The following LRRC45 variants were observed in gnomAD, a reference collection of about 807,000 sequenced individuals.
LRRC45 encodes the protein leucine rich repeat containing 45, also known as leucine-rich repeat-containing protein 45.
LRRC45 carries 73 observed loss-of-function variants against 85.4 expected under a neutral mutation model. That is an observed-to-expected ratio of 0.85 (90% CI 0.71 to 1.04). The LOEUF (loss-of-function observed/expected upper bound fraction) is 1.04, where lower values mean the gene tolerates loss of function less well. Among genes scored for constraint, LRRC45 ranks in the 50% least tolerant of loss-of-function variants. The pLI is 0.00. For synonymous variants in LRRC45, 429 were observed against 386.0 expected, an observed-to-expected ratio of 1.11 and a Z score of -1.31; for missense variants, 937 against 883.3, an observed-to-expected ratio of 1.06 and a Z score of -0.77.
chr17:82,024,421 C>T, intron 2 of LRRC45, 82 bp downstream of exon 2: 2 of 1,540,540 alleles, frequency 1.3e-6, no homozygotes, highest in Non-Finnish European at 1.8e-6. Flanking sequence ...TCTCGGGGGC[C>T]TGGGGTCTGG....
chr17:82,026,648 C>T (rs1417735467), intron 5 of LRRC45, among the ~76,000 whole-genome samples: 4 of 151,762 alleles, frequency 2.6e-5, no homozygotes, highest in Admixed American at 2.6e-4. Context: ...GGCGCAATCT[C>T]GGCTCACTGC....
Position 82,030,618 on chromosome 17 carries a change from G to T in LRRC45, c.1826G>T (p.Ser609Ile). 1.5e-6 allele frequency: 2 copies of T among 1,343,326 alleles called. No individual in the cohort carries two copies. Among genetic ancestry groups the T allele is most frequent in the South Asian group, 1.6e-5 (1 of 61,402 alleles). The allele number at this position is 1,343,326 out of a possible 1,614,324, so 83.2% of individuals were successfully genotyped here. ...ALERQLKVMA[S>I]DHREALLDRE... ...GCTCCTTGCCCTGCAGTGATGGCGAGCGACCACCGAGAGGCGCTGCTGGAC... is the reference window on the plus strand; with the variant it reads ...GCTCCTTGCCCTGCAGTGATGGCGATCGACCACCGAGAGGCGCTGCTGGAC... The change falls in exon 17 of 17, where the codon AGC becomes ATC. Residue 609 changes from serine to isoleucine, a missense_variant. Physicochemically the swap from Ser to Ile is moderately radical, Grantham distance 142. Coordinates refer to ENST00000306688, the MANE Select transcript of LRRC45 (RefSeq NM_144999.4).
At position 82,028,048 on chromosome 17, in the gene LRRC45, C is replaced by A; in HGVS notation, c.949C>A (p.Gln317Lys). Residue 317 changes from glutamine to lysine, a missense_variant, in exon 9 of 17, where the codon CAG becomes AAG. By Grantham distance (53) the Gln-to-Lys change is moderately conservative. Transcript: ENST00000306688. The stretch of plus-strand genomic sequence containing the variant: ...AGAGGCCGCCCTGGCTCTGTCGGAG[C>A]AGAAGGCCCAGGACCTGGGGGAGCT... ...MTEAALALSE[Q>K]KAQDLGELLA... 6.2e-7 allele frequency: 1 copy of A among 1,605,880 alleles called. No individual in the cohort carries two copies. Among genetic ancestry groups the A allele is most frequent in the Non-Finnish European group, 8.5e-7 (1 of 1,177,706 alleles).
At chr17:82,027,042 C>A in intron 6 of LRRC45, 31 bp downstream of exon 6, 1 of 1,527,534 alleles carries the variant, frequency 6.5e-7, no homozygotes. Flanking sequence ...GACCTTGGAG[C>A]TGCTTATGGC....
Position 82,028,388 on chromosome 17 carries a change from G to A in LRRC45, c.1126-9G>A, listed in dbSNP as rs370424586. The A allele has an allele frequency of 6.5e-5, 104 of 1,612,168 alleles. No individual in the cohort carries two copies. Among genetic ancestry groups the A allele is most frequent in the Non-Finnish European group, 8.1e-5 (95 of 1,179,810 alleles). ...GGCTGCAGCTTCCCTCCCTGGTGCCGGCTTTCAGGTAGACGAGTTGGAGCG... is the reference window on the plus strand; with the variant it reads ...GGCTGCAGCTTCCCTCCCTGGTGCCAGCTTTCAGGTAGACGAGTTGGAGCG... On this transcript the variant is annotated splice_polypyrimidine_tract_variant and intron_variant, in intron 10 of 16. Transcript: ENST00000306688.
Position 82,023,494 on chromosome 17 carries a change from C to T in LRRC45, c.-150C>T. 2 of 692,738 alleles carry T rather than the reference C, an allele frequency of 2.9e-6. No homozygotes were observed. The highest frequency in any genetic ancestry group is 4.6e-6 in the Non-Finnish European group (2 of 432,582). The allele number at this position is 692,738 out of a possible 1,614,324, so 42.9% of individuals were successfully genotyped here. On this transcript the variant is annotated 5_prime_UTR_variant, in exon 1 of 17. Transcript: ENST00000306688. ...GCCCAGCCCCGCGCTCCCAGGACCT[C>T]CCGCCCGCGGAGCCCACTCGGATTG...
Position 82,025,091 on chromosome 17 carries a change from C to T in LRRC45, c.445C>T (p.Leu149=). The T allele has an allele frequency of 6.2e-7, 1 of 1,610,768 alleles. No homozygotes were observed. Among genetic ancestry groups the T allele is most frequent in the Non-Finnish European group, 8.5e-7 (1 of 1,179,064 alleles). ...GGCGGCCAACGGCGCCCTGCAGCGG[C>T]TGGACCTCCGCAACAACCAGATCAG... ...GLAANGALQR[L]DLRNNQISHK... The change falls in exon 4 of 17, where the codon CTG becomes TTG. Residue 149 remains leucine (L), a synonymous_variant. Coordinates refer to ENST00000306688, the MANE Select transcript of LRRC45 (RefSeq NM_144999.4).
rs757037075 is a variant in LRRC45, at chr17:82,027,758, G to T, written c.911+7G>T. The T allele has an allele frequency of 3.1e-6, 5 of 1,608,816 alleles. No individual in the cohort carries two copies. The highest frequency in any genetic ancestry group is 1.1e-5 in the South Asian group (1 of 90,462). On this transcript the variant is annotated splice_region_variant and intron_variant, in intron 8 of 16. Transcript: ENST00000306688. ...TCAACGCTCTCAAGGCCAAGTAAGT[G>T]GGGGGTGGCCTCAGGATACTTCAGA...
intron 14 of LRRC45, 97 bp downstream of exon 14, chr17:82,029,732 G>A (rs1243231327): frequency 5.6e-6 from 7 of 1,239,990 alleles, no homozygotes; most frequent in African/African-American, 3.0e-5. Context: ...GTGGGGAGGC[G>A]GGAGTGTGGT....
intron 5 of LRRC45, chr17:82,026,668 C>G (rs573771801): frequency 1.0e-4 from 40 of 390,140 alleles, no homozygotes; most frequent in African/African-American, 5.8e-4. Context: ...CAACCTCCAC[C>G]TCCCGGTTCA....
chr17:82,029,425 G>C, intron 13 of LRRC45, 118 bp from the exon 14 acceptor site: 1 of 1,178,796 alleles, frequency 8.5e-7, no homozygotes. Flanking sequence ...CAGCTGCGTG[G>C]CCCTCAGGAG....
At chr17:82,029,206 G>A in intron 13 of LRRC45, 21 bp downstream of exon 13, 4 of 1,602,038 alleles carry the variant, frequency 2.5e-6, no homozygotes, top group Admixed American at 1.7e-5. Flanking sequence ...ACCAGGCAGG[G>A]CCAAGCTCTG....
In LRRC45 at chr17:82,029,569, A is replaced by T; in HGVS notation, c.1428A>T (p.Ala476=). Residue 476 remains alanine (A), a synonymous_variant, in exon 14 of 17, where the codon GCA becomes GCT. Coordinates refer to ENST00000306688, the MANE Select transcript of LRRC45 (RefSeq NM_144999.4). The part of the protein sequence containing the change: ...EEELSRVKAA[A]LSERGQAEEE... ...AGCTGAGCCGAGTGAAAGCAGCGGCACTCAGCGAGCGTGGCCAGGCTGAGG... is the reference window on the plus strand; with the variant it reads ...AGCTGAGCCGAGTGAAAGCAGCGGCTCTCAGCGAGCGTGGCCAGGCTGAGG... 1 of 1,577,676 alleles carries T rather than the reference A, an allele frequency of 6.3e-7. No individual in the cohort carries two copies. The highest frequency in any genetic ancestry group is 8.6e-7 in the Non-Finnish European group (1 of 1,163,280).
At position 82,023,858 on chromosome 17, in the gene LRRC45, A is replaced by C; in HGVS notation, c.215A>C (p.Glu72Ala). 1 of 1,557,964 alleles carries C rather than the reference A, an allele frequency of 6.4e-7. No homozygotes were observed. The highest frequency in any genetic ancestry group is 8.7e-7 in the Non-Finnish European group (1 of 1,153,230). The change falls in exon 1 of 17, where the codon GAG (glutamate) becomes GCG (alanine). Residue 72 changes from glutamate (E) to alanine (A), a missense_variant. Glu to Ala is a moderately radical substitution (Grantham distance 107, BLOSUM62 -1). Coordinates refer to ENST00000306688, the MANE Select transcript of LRRC45 (RefSeq NM_144999.4). ...GTCCTGAGTGACTGCATGCTCAGCG[A>C]GGAAGGTGGGCAGGCGCGGCGGGGT... ...ELVLSDCMLSEEGATLLLRGL... is the reference protein window; with the variant it reads ...ELVLSDCMLSAEGATLLLRGL...
chr17:82,028,817 G>A lies in LRRC45; in HGVS notation c.1308+134G>A, dbSNP rs761552367. 1.1e-3 allele frequency: 1,158 copies of A among 1,057,294 alleles called. 18 individuals are homozygous for A. Among genetic ancestry groups the A allele is most frequent in the South Asian group, 2.0e-3 (126 of 63,204 alleles). 65.5% of individuals were successfully genotyped at this position (1,057,294 alleles called of 1,614,324 possible). On this transcript the variant is annotated intron_variant, in intron 12 of 16. Coordinates refer to ENST00000306688, the MANE Select transcript of LRRC45 (RefSeq NM_144999.4). ...CTGGGTGGCCGTATTTTGCCAGCCTGAGCGGATGTCAGACCCAGAACCTCC... is the reference window on the plus strand; with the variant it reads ...CTGGGTGGCCGTATTTTGCCAGCCTAAGCGGATGTCAGACCCAGAACCTCC...
At chr17:82,024,223 G>T (rs536894217) in intron 1 of LRRC45, 55 bp from the exon 2 acceptor site, 18 of 1,585,786 alleles carry the variant, frequency 1.1e-5, no homozygotes, top group Non-Finnish European at 1.5e-5. Flanking sequence ...GGGCCCACGG[G>T]GAGGGCCTTG....
chr17:82,028,605 G>A lies in LRRC45; in HGVS notation c.1238-8G>A. On this transcript the variant is annotated splice_polypyrimidine_tract_variant and splice_region_variant and intron_variant, in intron 11 of 16. Transcript: ENST00000306688. ...CTCACGCATACTCTGCCCACCCTGG[G>A]CTTCCAGAGCGCCTGGACATGGAGA... 2.5e-6 allele frequency: 4 copies of A among 1,612,810 alleles called. No individual in the cohort carries two copies. The highest frequency in any genetic ancestry group is 3.4e-6 in the Non-Finnish European group (4 of 1,179,950).
rs946054044 is a variant in LRRC45, at chr17:82,024,676, G to T, written c.283-17G>T. 5 of 1,567,772 alleles carry T rather than the reference G, an allele frequency of 3.2e-6. No individual in the cohort carries two copies. In the African/African-American group the frequency reaches 5.5e-5, roughly 17 times the overall value. On this transcript the variant is annotated splice_polypyrimidine_tract_variant and intron_variant, in intron 2 of 16. Transcript: ENST00000306688. The stretch of plus-strand genomic sequence containing the variant: ...AGTCAGGGCACGCGAGTGACTACCG[G>T]CCTGTTTCTCTCCTAGGGCAACAAC...
At chr17:82,030,580 G>A in intron 16 of LRRC45, 29 bp from the exon 17 acceptor site, 1 of 1,463,006 alleles carries the variant, frequency 6.8e-7, no homozygotes, top group Non-Finnish European at 9.0e-7. Flanking sequence ...CTGGGGCTGC[G>A]TCCGCTCACT....
Sources: allele counts gnomAD v4.1 joint callset (sites outside exome capture counted in the v4.1 genomes callset), GRCh38; gene constraint gnomAD v4.1.1; transcripts MANE v1.5; gene names NCBI Gene and HGNC (gene_info 2026-07-23, HGNC 2026-07-21).